FGD6: variants seen among roughly 807,000 people sequenced by gnomAD.
FGD6 encodes the protein FYVE, RhoGEF and PH domain containing 6.
FGD6 carries 90 observed loss-of-function variants against 149.4 expected under a neutral mutation model. The ratio of observed to expected loss-of-function variants is 0.60; its 90% CI spans 0.51 to 0.72. The LOEUF (loss-of-function observed/expected upper bound fraction) is 0.72. FGD6 is among the 30% of genes least tolerant of loss of function. The pLI, the probability that FGD6 is intolerant of heterozygous loss-of-function variation, is 0.00. For missense variants in FGD6, 1,437 were observed against 1,684.8 expected (o/e 0.85, Z 2.57); for synonymous variants, 527 against 584.0 (o/e 0.90, Z 1.41).
At chr12:95,115,128 A>G (rs1878966981) in intron 8 of FGD6, among the ~76,000 whole-genome samples, 1 of 152,306 alleles carries the variant, frequency 6.6e-6, no homozygotes, top group South Asian at 2.1e-4. Context: ...TTTCTTTTTC[A>G]TTAGACTCAA....
intron 3 of FGD6, among the ~76,000 whole-genome samples, chr12:95,158,395 T>C (rs961506959): frequency 6.6e-5 from 10 of 151,384 alleles, no homozygotes; most frequent in Admixed American, 2.6e-4. Context: ...CAGGATGGTC[T>C]CGATCTCCTG....
intron 2 of FGD6, among the ~76,000 whole-genome samples, chr12:95,187,414 AG>A (rs1881471738): frequency 4.9e-5 from 1 of 20,374 alleles, no homozygotes; most frequent in African/African-American, 1.6e-4. Flanking sequence ...CGAGGCGGGC[AG>A]ATCATGAGGT....
At chr12:95,104,010 A>G (rs1249210747) in intron 14 of FGD6, among the ~76,000 whole-genome samples, 1 of 152,240 alleles carries the variant, frequency 6.6e-6, no homozygotes, top group African/African-American at 2.4e-5. Context: ...CAAATTTCCT[A>G]ATAACCTATA....
chr12:95,182,357 C>T lies in FGD6; in HGVS notation c.2442-9613G>A, dbSNP rs529937827. Among the ~76,000 whole-genome samples, 7 of 151,942 alleles carry T rather than the reference C, an allele frequency of 4.6e-5. No individual in the cohort carries two copies. In the East Asian group the frequency reaches 5.8e-4, roughly 13 times the overall value. ...AGCTGGGACTACAGGTGCCCCACCA[C>T]GCCCGGCTAATTTTTGTATTTTTAG... On this transcript the variant is annotated intron_variant, in intron 2 of 20. Coordinates refer to ENST00000343958, the MANE Select transcript of FGD6 (RefSeq NM_018351.4).
rs1194853336 is a variant in FGD6 at position 95,186,225 on chromosome 12, CTTCTTTTTTTTTTTTTTTTTTTTTTT to C, written c.2442-13507_2442-13482del. Among the ~76,000 whole-genome samples the C allele has an allele frequency of 7.0e-5, 5 of 71,186 alleles. 1 individual carries two copies. Among genetic ancestry groups the C allele is most frequent in the Admixed American group, 3.6e-4 (2 of 5,578 alleles). 46.7% of individuals were successfully genotyped at this position (71,186 alleles called of 152,430 possible). A position where few individuals can be genotyped will look rare whatever the true frequency, so the allele number is the denominator to read the frequency against. ...AGCTAAGAATGCTTCTTATATTCTT[CTTCTTTTTTTTTTTTTTTTTTTTTTT>C]TTTTTTTTTTTTTTTGAGACGGAGT... On this transcript the variant is annotated intron_variant, in intron 2 of 20. Coordinates refer to ENST00000343958, the MANE Select transcript of FGD6 (RefSeq NM_018351.4).
chr12:95,144,803 C>T (rs2136265689), intron 5 of FGD6, among the ~76,000 whole-genome samples: 1 of 151,310 alleles, frequency 6.6e-6, no homozygotes, highest in South Asian at 2.1e-4. Context: ...TTTCTCCTGC[C>T]TCAGCCTCCC....
At chr12:95,123,114 C>A (rs1015894386) in intron 8 of FGD6, among the ~76,000 whole-genome samples, 3 of 151,472 alleles carry the variant, frequency 2.0e-5, no homozygotes, top group Admixed American at 1.3e-4. Flanking sequence ...TAGAAAAGGT[C>A]CCTTTCCTGG....
At chr12:95,126,791 G>T (rs1879359260) in intron 8 of FGD6, among the ~76,000 whole-genome samples, 1 of 151,424 alleles carries the variant, frequency 6.6e-6, no homozygotes, top group Non-Finnish European at 1.5e-5. Context: ...AGCCAGACGT[G>T]GTAGTGGGCA....
chr12:95,125,961 G>T (rs746198676), intron 8 of FGD6: 46 of 1,428,636 alleles, frequency 3.2e-5, no homozygotes, highest in Non-Finnish European at 4.2e-5. Context: ...TCCATACAGT[G>T]CCCACCAGAA....
At chr12:95,167,733 C>T (rs929780097) in intron 3 of FGD6, among the ~76,000 whole-genome samples, 1 of 151,894 alleles carries the variant, frequency 6.6e-6, no homozygotes, top group Non-Finnish European at 1.5e-5. Flanking sequence ...CACCAACACA[C>T]AGGGCTAATT....
intron 2 of FGD6, among the ~76,000 whole-genome samples, chr12:95,186,647 C>T (rs1156711001): frequency 6.6e-6 from 1 of 152,078 alleles, no homozygotes; most frequent in East Asian, 1.9e-4. Context: ...TTTTGCACTA[C>T]ATTGGCAGAG....
At chr12:95,181,431 G>A (rs776606571) in intron 2 of FGD6, among the ~76,000 whole-genome samples, 1 of 152,174 alleles carries the variant, frequency 6.6e-6, no homozygotes, top group Non-Finnish European at 1.5e-5. Context: ...GCTTAGCTGG[G>A]AGGCATCCAG....
chr12:95,217,420 C>A lies in FGD6; in HGVS notation c.-180G>T. 3 of 1,024,852 alleles carry A rather than the reference C, an allele frequency of 2.9e-6. No homozygotes were observed. Among genetic ancestry groups the A allele is most frequent in the Non-Finnish European group, 4.0e-6 (3 of 759,450 alleles). The allele number at this position is 1,024,852 out of a possible 1,614,324, so 63.5% of individuals were successfully genotyped here. A position where few individuals can be genotyped will look rare whatever the true frequency, so the allele number is the denominator to read the frequency against. On this transcript the variant is annotated 5_prime_UTR_variant, in exon 1 of 21. Coordinates refer to ENST00000343958, the MANE Select transcript of FGD6 (RefSeq NM_018351.4). Reference sequence around the variant, plus strand: ...GACGCGGCCGACTCTAGCGACCCTGCGGCGCTCCCGGGCGCGAGCCGCCGG... The same window carrying A: ...GACGCGGCCGACTCTAGCGACCCTGAGGCGCTCCCGGGCGCGAGCCGCCGG...
intron 11 of FGD6, 134 bp from the exon 12 acceptor site, chr12:95,107,765 T>C: frequency 1.2e-6 from 1 of 834,938 alleles, no homozygotes; most frequent in Non-Finnish European, 1.9e-6. Flanking sequence ...TGAGATTTTT[T>C]ACAGTCATAG....
chr12:95,201,988 ACACACACACACATCT>A (rs1490737335), intron 2 of FGD6, among the ~76,000 whole-genome samples: 35 of 149,646 alleles, frequency 2.3e-4, no homozygotes, highest in South Asian at 2.1e-3. Flanking sequence ...ACACACACAC[ACACACACACACATCT>A]TCTTCTTCCA....
intron 1 of FGD6, among the ~76,000 whole-genome samples, chr12:95,211,531 TTCTTTTTC>T (rs1298284218): frequency 9.3e-6 from 1 of 107,058 alleles, no homozygotes; most frequent in Non-Finnish European, 1.8e-5. Flanking sequence ...ATATCTTTTT[TTCTTTTTC>T]TTCTTTTTTT....
chr12:95,165,942 T>C (rs540390356), intron 3 of FGD6, among the ~76,000 whole-genome samples: 116 of 150,902 alleles, frequency 7.7e-4, no homozygotes, highest in African/African-American at 2.6e-3. Context: ...CCACCATGCC[T>C]GGCTTGTTTT....
intron 15 of FGD6, among the ~76,000 whole-genome samples, chr12:95,093,370 A>C (rs890610065): frequency 6.6e-6 from 1 of 151,872 alleles, no homozygotes; most frequent in African/African-American, 2.4e-5. Context: ...ACATGGTGAA[A>C]ACCTGTCTCT....
At chr12:95,202,002 C>T (rs2056665767) in intron 2 of FGD6, among the ~76,000 whole-genome samples, 1 of 145,506 alleles carries the variant, frequency 6.9e-6, no homozygotes, top group African/African-American at 2.5e-5. Flanking sequence ...ACACACACAT[C>T]TTCTTCTTCC....
Sources: gnomAD v4.1 joint callset for allele counts (sites outside exome capture counted in the v4.1 genomes callset) on GRCh38, gnomAD v4.1.1 for gene constraint, MANE v1.5 for transcripts, NCBI Gene and HGNC (gene_info 2026-07-23, HGNC 2026-07-21) for gene names.